Variants in METTL9 observed in about 807,000 individuals in gnomAD.
METTL9 encodes the protein methyltransferase 9, His-X-His N1(pi)-histidine, also known as protein-L-histidine N-pros-methyltransferase.
A neutral mutation model predicts 36.0 loss-of-function variants in METTL9; 10 were observed. The ratio of observed to expected loss-of-function variants is 0.28; its 90% confidence interval spans 0.17 to 0.47. The LOEUF is 0.47. METTL9 is among the 20% of genes least tolerant of loss of function. METTL9 has a pLI of 0.99. For missense variants in METTL9, 246 were observed against 383.5 expected (o/e 0.64, Z 3.00); for synonymous variants, 175 against 149.7 (o/e 1.17, Z -1.23).
In METTL9 at chr16:21,599,862, G is replaced by A. The variant is rs1965061220; in HGVS notation, c.129G>A (p.Pro43=). The A allele has an allele frequency of 2.0e-6, 3 of 1,492,420 alleles. No homozygotes were observed. The highest frequency in any genetic ancestry group is 1.4e-5 in the African/African-American group (1 of 69,120). The allele number at this position is 1,492,420 out of a possible 1,614,324, so 92.4% of individuals were successfully genotyped here. ...ACATGACTAGCGGCCCGGGTGGGCC[G>A]GCGGCGGCCGCGGGCGGCAGGAAGG... ...YVNMTSGPGG[P]AAAAGGRKEN... Residue 43 remains proline (P), a synonymous_variant, in exon 1 of 5, where the codon CCG becomes CCA. Transcript: ENST00000358154. The surrounding 1 kb of genome is among the most constrained non-coding windows in gnomAD (Gnocchi z 4.4).
intron 1 of METTL9, among the ~76,000 whole-genome samples, chr16:21,601,699 T>TA (rs1965131467): frequency 6.6e-6 from 1 of 152,034 alleles, no homozygotes; most frequent in Admixed American, 6.6e-5. Context: ...TGGTTTCAGA[T>TA]ACGTTTATTT....
intron 3 of METTL9, 24 bp downstream of exon 3, chr16:21,618,098 G>A: frequency 6.9e-7 from 1 of 1,446,496 alleles, no homozygotes. Context: ...GGTTTTAGAT[G>A]CATTTCTTCT....
rs1966695540 is a variant in METTL9, at chr16:21,655,852, T to C, written c.*420T>C. The C allele has an allele frequency of 6.3e-6, 1 of 157,828 alleles. No homozygotes were observed. The highest frequency in any genetic ancestry group is 2.4e-5 in the African/African-American group (1 of 41,598). 9.8% of individuals were successfully genotyped at this position (157,828 alleles called of 1,614,324 possible). On this transcript the variant is annotated 3_prime_UTR_variant, in exon 5 of 5. Transcript: ENST00000358154. ...AATACTGGTTTTAAGGTATAGCCAC[T>C]GATATTCTTTCATGTTTAGAAATTC...
At chr16:21,601,685 A>G (rs555478827) in intron 1 of METTL9, among the ~76,000 whole-genome samples, 2 of 152,110 alleles carry the variant, frequency 1.3e-5, no homozygotes, top group South Asian at 4.1e-4. Flanking sequence ...ATGAAAACTA[A>G]TACTGGTTTC....
rs960451984 is a variant in METTL9 at position 21,655,582 on chromosome 16, T to G, written c.*150T>G. The stretch of plus-strand genomic sequence containing the variant: ...ATTTAAAAAGCCAAAATACTAATTA[T>G]TTCTTTGTAGTGTGTAAAGGAATGT... On this transcript the variant is annotated 3_prime_UTR_variant, in exon 5 of 5. Coordinates refer to ENST00000358154, the MANE Select transcript of METTL9 (RefSeq NM_016025.5). 2.9e-6 allele frequency: 2 copies of G among 680,770 alleles called. No homozygotes were observed. The highest frequency in any genetic ancestry group is 3.6e-5 in the African/African-American group (2 of 55,154). 42.2% of individuals were successfully genotyped at this position (680,770 alleles called of 1,614,324 possible). A position where few individuals can be genotyped will look rare whatever the true frequency, so the allele number is the denominator to read the frequency against.
At chr16:21,622,915 A>C (rs1965740300) in intron 3 of METTL9, among the ~76,000 whole-genome samples, 1 of 152,212 alleles carries the variant, frequency 6.6e-6, no homozygotes. Flanking sequence ...TTGTTTTTAA[A>C]AATCAAATAT....
At chr16:21,600,038 C>T (rs1028266734) in intron 1 of METTL9, 140 bp downstream of exon 1, 3 of 766,892 alleles carry the variant, frequency 3.9e-6, no homozygotes, top group Admixed American at 4.9e-5. Context: ...AAAGTTTTCC[C>T]CGCGCCTTCC....
At chr16:21,648,376 TG>T (rs751121306) in intron 4 of METTL9, among the ~76,000 whole-genome samples, 93 of 152,322 alleles carry the variant, frequency 6.1e-4, no homozygotes, top group Non-Finnish European at 1.1e-3. Context: ...ACGTTCAAGA[TG>T]ATGCCTAGGA....
chr16:21,619,576 A>G (rs1965641163), intron 3 of METTL9, among the ~76,000 whole-genome samples: 1 of 146,214 alleles, frequency 6.8e-6, no homozygotes, highest in African/African-American at 2.5e-5. Flanking sequence ...ACATGCCACT[A>G]TGCCCGGCTA....
Position 21,599,952 on chromosome 16 carries a change from G to A in METTL9, c.165+54G>A. The A allele has an allele frequency of 7.9e-7, 1 of 1,268,394 alleles. No homozygotes were observed. The highest frequency in any genetic ancestry group is 2.5e-5 in the South Asian group (1 of 39,816). The allele number at this position is 1,268,394 out of a possible 1,614,324, so 78.6% of individuals were successfully genotyped here. On this transcript the variant is annotated intron_variant, in intron 1 of 4. Coordinates refer to ENST00000358154, the MANE Select transcript of METTL9 (RefSeq NM_016025.5). The surrounding 1 kb of genome is among the most constrained non-coding windows in gnomAD (Gnocchi z 4.4). The stretch of plus-strand genomic sequence containing the variant: ...GGGCGTGGCGGCCCGGCCTTCCCGC[G>A]CTGGGCCCGGCTATTGTGCGGGACG...
chr16:21,643,478 A>T, intron 4 of METTL9: 4 of 1,016,948 alleles, frequency 3.9e-6, no homozygotes, highest in Non-Finnish European at 5.9e-6. Flanking sequence ...AAAGCTAAAA[A>T]ATATTTCAGT....
chr16:21,651,019 C>T (rs930011425), intron 4 of METTL9, among the ~76,000 whole-genome samples: 2 of 152,120 alleles, frequency 1.3e-5, no homozygotes, highest in Non-Finnish European at 2.9e-5. Flanking sequence ...GTCAGGAGAT[C>T]GAGACCATCC....
intron 3 of METTL9, among the ~76,000 whole-genome samples, chr16:21,623,383 C>G (rs1965749273): frequency 6.6e-6 from 1 of 152,080 alleles, no homozygotes; most frequent in Admixed American, 6.5e-5. Context: ...TCAAAACAAC[C>G]CTCATTATAC....
chr16:21,634,455 G>T (rs1170577484), intron 4 of METTL9, among the ~76,000 whole-genome samples: 2 of 152,174 alleles, frequency 1.3e-5, no homozygotes, highest in Non-Finnish European at 2.9e-5. Flanking sequence ...CTTTCTTAAA[G>T]TGTCCTTGTA....
chr16:21,641,067 A>T (rs1171063383), intron 4 of METTL9: 1 of 152,720 alleles, frequency 6.5e-6, no homozygotes, highest in Non-Finnish European at 1.5e-5. Context: ...CCATTACAAC[A>T]TCAGAGGAAA....
intron 1 of METTL9, among the ~76,000 whole-genome samples, chr16:21,600,536 G>A (rs1343020223): frequency 6.6e-6 from 1 of 152,126 alleles, no homozygotes; most frequent in Non-Finnish European, 1.5e-5. Flanking sequence ...CTTGGATTTA[G>A]TCAGCCTGCT....
intron 2 of METTL9, among the ~76,000 whole-genome samples, chr16:21,614,056 C>A (rs773351823): frequency 6.6e-6 from 1 of 152,076 alleles, no homozygotes. Flanking sequence ...AGTCTTCAGG[C>A]ACCGCAAGCC....
Position 21,655,741 on chromosome 16 carries a change from C to G in METTL9, c.*309C>G, listed in dbSNP as rs1429169038. ...CTTAATTGCAGTAGGGACTCATTCC[C>G]AGACAAAGCAATAGTCACGACTTCA... On this transcript the variant is annotated 3_prime_UTR_variant, in exon 5 of 5. Transcript: ENST00000358154. 1.9e-5 allele frequency: 5 copies of G among 257,042 alleles called. No homozygotes were observed. The highest frequency in any genetic ancestry group is 3.0e-5 in the Non-Finnish European group (4 of 133,520). 15.9% of individuals were successfully genotyped at this position (257,042 alleles called of 1,614,324 possible). A position where few individuals can be genotyped will look rare whatever the true frequency, so the allele number is the denominator to read the frequency against.
At chr16:21,647,508 G>C in intron 4 of METTL9, 1 of 1,598,174 alleles carries the variant, frequency 6.3e-7, no homozygotes, top group Non-Finnish European at 8.6e-7. Context: ...GGAGGAAGCA[G>C]ATGAGTGGGT....
Sources: allele counts gnomAD v4.1 joint callset (sites outside exome capture counted in the v4.1 genomes callset), GRCh38; gene constraint gnomAD v4.1.1; non-coding constraint Gnocchi (gnomAD v3.1); transcripts MANE v1.5; gene names NCBI Gene and HGNC (gene_info 2026-07-23, HGNC 2026-07-21).